Variants in LIPA observed in about 807,000 individuals in gnomAD.
The protein encoded by LIPA is lipase A, lysosomal acid type, also known as lysosomal acid lipase/cholesteryl ester hydrolase.
Under a neutral mutation model 40.6 loss-of-function variants are expected in LIPA, and 26 were observed. The ratio of observed to expected loss-of-function variants is 0.64; its 90% CI spans 0.47 to 0.89. The LOEUF is 0.89. Among genes scored for constraint, LIPA ranks in the 40% least tolerant of loss-of-function variants. LIPA has a pLI of 0.00. For missense variants in LIPA, 455 were observed against 479.6 expected (o/e 0.95, Z 0.48); for synonymous variants, 188 against 168.4 (o/e 1.12, Z -0.90).
Position 89,222,534 on chromosome 10 carries a change from G to C in LIPA, c.871C>G (p.Gln291Glu), listed in dbSNP as rs754124986. ...TTHSPAGTSVQNMLHWSQAVK... is the reference protein window; with the variant it reads ...TTHSPAGTSVENMLHWSQAVK... ...ACCTGGCTCCAGTGTAACATGTTTT[G>C]CACAGAAGTTCCAGCAGGAGAATGT... The change falls in exon 8 of 10, where the codon CAA (glutamine) becomes GAA (glutamate). Residue 291 changes from glutamine (Q) to glutamate (E), a missense_variant. Physicochemically the swap from Gln to Glu is conservative, Grantham distance 29 (BLOSUM62 2). Transcript: ENST00000336233. 1.2e-6 allele frequency: 2 copies of C among 1,610,074 alleles called. No individual in the cohort carries two copies. The highest frequency in any genetic ancestry group is 1.1e-5 in the South Asian group (1 of 91,012).
intron 1 of LIPA, among the ~76,000 whole-genome samples, chr10:89,299,796 G>A (rs982180812): frequency 6.6e-6 from 1 of 151,910 alleles, no homozygotes; most frequent in Non-Finnish European, 1.5e-5. Flanking sequence ...AGGGGAAAGG[G>A]AACTCTTATA....
intron 2 of LIPA, among the ~76,000 whole-genome samples, chr10:89,361,855 A>AC (rs1844023541): frequency 2.2e-5 from 1 of 45,448 alleles, no homozygotes; most frequent in South Asian, 7.6e-4. Context: ...AAAAAAATCC[A>AC]CCCCCCACCC....
chr10:89,337,690 T>C (rs1479897911), intron 1 of LIPA, among the ~76,000 whole-genome samples: 1 of 152,240 alleles, frequency 6.6e-6, no homozygotes, highest in Non-Finnish European at 1.5e-5. Flanking sequence ...TGAGTCACCA[T>C]TCCTGGCTGA....
At chr10:89,326,551 T>C (rs1265562114) in intron 1 of LIPA, among the ~76,000 whole-genome samples, 1 of 152,202 alleles carries the variant, frequency 6.6e-6, no homozygotes, top group Non-Finnish European at 1.5e-5. Context: ...TAGTCAACAA[T>C]AGTTTATTGC....
At chr10:89,367,443 T>C (rs920345422) in intron 2 of LIPA, among the ~76,000 whole-genome samples, 3 of 152,244 alleles carry the variant, frequency 2.0e-5, no homozygotes, top group African/African-American at 4.8e-5. Flanking sequence ...AAACCACTTC[T>C]TATTCTTGTA....
At chr10:89,368,339 G>A (rs1273364835) in intron 2 of LIPA, among the ~76,000 whole-genome samples, 1 of 152,152 alleles carries the variant, frequency 6.6e-6, no homozygotes, top group East Asian at 1.9e-4. Context: ...ACAAGCCTTT[G>A]GCTACATCAC....
chr10:89,393,984 T>C (rs770026432), intron 2 of LIPA, among the ~76,000 whole-genome samples: 2 of 152,248 alleles, frequency 1.3e-5, no homozygotes, highest in South Asian at 2.1e-4. Flanking sequence ...AAAAGTGTTA[T>C]GTAAATTATT....
chr10:89,246,614 C>G (rs908430657), intron 2 of LIPA, among the ~76,000 whole-genome samples: 2 of 152,200 alleles, frequency 1.3e-5, no homozygotes, highest in African/African-American at 4.8e-5. Flanking sequence ...TTGCCTGATT[C>G]TTCAGCTGGG....
At chr10:89,350,324 T>TTTTTTTTTTTG (rs1384771963) in intron 2 of LIPA, among the ~76,000 whole-genome samples, 3 of 151,368 alleles carry the variant, frequency 2.0e-5, no homozygotes, top group Non-Finnish European at 2.9e-5. Context: ...CCTTTTTTTT[T>TTTTTTTTTTTG]AAGACGGAGT....
At chr10:89,276,813 T>C (rs1843291382) in intron 1 of LIPA, among the ~76,000 whole-genome samples, 1 of 152,236 alleles carries the variant, frequency 6.6e-6, no homozygotes, top group Admixed American at 6.5e-5. Context: ...AAAATTAGAA[T>C]ATCAATTAAT....
At chr10:89,412,504 A>AC (rs554217223) in intron 2 of LIPA, 17 of 182,540 alleles carry the variant, frequency 9.3e-5, no homozygotes, top group Middle Eastern at 4.7e-3. Flanking sequence ...AAAGCAGGCC[A>AC]CCCCAGCCAG....
intron 2 of LIPA, among the ~76,000 whole-genome samples, chr10:89,377,061 C>T (rs143486870): frequency 1.3e-3 from 195 of 152,328 alleles, no homozygotes; most frequent in African/African-American, 4.4e-3. Context: ...GATCCAGAAA[C>T]GTACAGGATG....
At chr10:89,317,984 G>A (rs941250905) in intron 1 of LIPA, among the ~76,000 whole-genome samples, 1 of 152,108 alleles carries the variant, frequency 6.6e-6, no homozygotes, top group African/African-American at 2.4e-5. Context: ...ATAAGTGAAG[G>A]AGAAATAAAA....
At chr10:89,220,546 G>A (rs542938473) in intron 8 of LIPA, among the ~76,000 whole-genome samples, 13 of 152,264 alleles carry the variant, frequency 8.5e-5, no homozygotes, top group African/African-American at 2.6e-4. Flanking sequence ...AGGTTTGGGG[G>A]CATTCCTTAA....
chr10:89,362,496 A>C, intron 2 of LIPA: 1 of 215,054 alleles, frequency 4.6e-6, no homozygotes, highest in Non-Finnish European at 9.5e-6. Flanking sequence ...CAGAATGAGA[A>C]AGCACTAGAG....
intron 2 of LIPA, among the ~76,000 whole-genome samples, chr10:89,379,317 C>T (rs1313814119): frequency 6.6e-6 from 1 of 152,174 alleles, no homozygotes; most frequent in South Asian, 2.1e-4. Context: ...AACCTGCTGA[C>T]TCAGAAACTC....
intron 2 of LIPA, among the ~76,000 whole-genome samples, chr10:89,374,518 A>C (rs1844109639): frequency 6.6e-6 from 1 of 152,198 alleles, no homozygotes; most frequent in Non-Finnish European, 1.5e-5. Flanking sequence ...TGACCACATG[A>C]CAAACACTCA....
intron 3 of LIPA, among the ~76,000 whole-genome samples, chr10:89,245,429 A>C (rs1315262378): frequency 6.6e-6 from 1 of 152,202 alleles, no homozygotes; most frequent in Admixed American, 6.5e-5. Context: ...ACTTCCTTAA[A>C]AAAACAAAGC....
chr10:89,239,969 C>T (rs67837568), intron 3 of LIPA, among the ~76,000 whole-genome samples: 15,203 of 152,158 alleles, frequency 0.1, 1,555 homozygotes, highest in African/African-American at 0.26. Context: ...GACAGCTTTG[C>T]AGCACAGCAA....
Sources: gnomAD v4.1 joint callset for allele counts (sites outside exome capture counted in the v4.1 genomes callset) on GRCh38, gnomAD v4.1.1 for gene constraint, MANE v1.5 for transcripts, NCBI Gene and HGNC (gene_info 2026-07-23, HGNC 2026-07-21) for gene names.